KSR2: variants seen among roughly 807,000 people sequenced by gnomAD.
KSR2 encodes kinase suppressor of ras 2.
A neutral mutation model predicts 107.8 loss-of-function variants in KSR2; 25 were observed. The ratio of observed to expected loss-of-function variants is 0.23; its 90% confidence interval spans 0.17 to 0.32. The LOEUF (loss-of-function observed/expected upper bound fraction) is 0.32. KSR2 is among the 10% of genes least tolerant of loss of function. KSR2 has a pLI of 1.00. For synonymous variants in KSR2, 480 were observed against 507.0 expected (o/e 0.95, Z 0.71); for missense variants, 887 against 1,268.9 (o/e 0.70, Z 4.57).
chr12:117,942,919 G>A (rs7978241), intron 1 of KSR2, among the ~76,000 whole-genome samples: 50 of 152,062 alleles, frequency 3.3e-4, no homozygotes, highest in African/African-American at 1.1e-3. Context: ...AAAGGGTGTC[G>A]TTCAACTCAA....
At chr12:117,947,906 T>C (rs371075010) in intron 1 of KSR2, among the ~76,000 whole-genome samples, 1 of 152,148 alleles carries the variant, frequency 6.6e-6, no homozygotes, top group African/African-American at 2.4e-5. Flanking sequence ...ACCACGTTCA[T>C]AGTTTGGAAG....
intron 1 of KSR2, among the ~76,000 whole-genome samples, chr12:117,941,792 A>ATT (rs542293863): frequency 0.055 from 5,388 of 97,532 alleles, 295 homozygotes; most frequent in African/African-American, 0.11. Context: ...GGCCTGGCTA[A>ATT]TTTTTTTTTT....
intron 5 of KSR2, among the ~76,000 whole-genome samples, chr12:117,599,533 G>A (rs1880822092): frequency 6.6e-6 from 1 of 152,156 alleles, no homozygotes; most frequent in Admixed American, 6.5e-5. Context: ...CCTCAGCACT[G>A]TTGACATTTG....
chr12:117,613,730 G>A (rs2136322575), intron 5 of KSR2, among the ~76,000 whole-genome samples: 1 of 152,310 alleles, frequency 6.6e-6, no homozygotes, highest in South Asian at 2.1e-4. Flanking sequence ...TCTCTGCACA[G>A]CCTATCCTAA....
intron 14 of KSR2, among the ~76,000 whole-genome samples, chr12:117,518,618 G>A (rs980707337): frequency 4.6e-5 from 7 of 152,220 alleles, no homozygotes; most frequent in African/African-American, 7.2e-5. Flanking sequence ...CCAGAGTAGC[G>A]TGGGCAGCTG....
At chr12:117,866,015 C>G (rs1483549401) in intron 1 of KSR2, among the ~76,000 whole-genome samples, 1 of 151,290 alleles carries the variant, frequency 6.6e-6, no homozygotes, top group Non-Finnish European at 1.5e-5. Context: ...TCTCTAACCT[C>G]TGTAACACTT....
chr12:117,626,131 T>C (rs1882498258), intron 5 of KSR2, among the ~76,000 whole-genome samples: 1 of 152,232 alleles, frequency 6.6e-6, no homozygotes, highest in Admixed American at 6.5e-5. Flanking sequence ...TCTATCTATT[T>C]TGTTGATCTT....
intron 7 of KSR2, among the ~76,000 whole-genome samples, chr12:117,559,829 G>A (rs1592993433): frequency 6.6e-6 from 1 of 152,094 alleles, no homozygotes; most frequent in Non-Finnish European, 1.5e-5. Flanking sequence ...ATAGATACAC[G>A]CTGTGGAAGA....
intron 1 of KSR2, among the ~76,000 whole-genome samples, chr12:117,964,510 A>T (rs937694106): frequency 2.0e-5 from 3 of 152,166 alleles, no homozygotes; most frequent in African/African-American, 7.2e-5. Flanking sequence ...GGTTCTACAG[A>T]ACATACTTTG....
chr12:117,469,329 T>C (rs1871304157), intron 19 of KSR2, among the ~76,000 whole-genome samples: 2 of 152,132 alleles, frequency 1.3e-5, no homozygotes, highest in East Asian at 3.9e-4. Context: ...GTACTCTGAA[T>C]ACCTGACATA....
At chr12:117,643,408 C>T (rs897811050) in intron 5 of KSR2, among the ~76,000 whole-genome samples, 1 of 152,190 alleles carries the variant, frequency 6.6e-6, no homozygotes, top group Non-Finnish European at 1.5e-5. Context: ...GATTGTGCCA[C>T]TGCACTCTAG....
chr12:117,944,206 G>A (rs553195580), intron 1 of KSR2, among the ~76,000 whole-genome samples: 12 of 151,822 alleles, frequency 7.9e-5, no homozygotes, highest in Admixed American at 5.2e-4. Flanking sequence ...GAGAAAGCCC[G>A]TCTCTACTAA....
intron 3 of KSR2, among the ~76,000 whole-genome samples, chr12:117,831,260 A>G (rs1486505638): frequency 6.6e-6 from 1 of 152,190 alleles, no homozygotes; most frequent in East Asian, 1.9e-4. Flanking sequence ...AACTGATGCT[A>G]TCTCTCCAAC....
intron 5 of KSR2, among the ~76,000 whole-genome samples, chr12:117,651,009 G>A (rs912057472): frequency 4.6e-5 from 7 of 152,198 alleles, no homozygotes; most frequent in Non-Finnish European, 8.8e-5. Context: ...TAAAGTGAGG[G>A]CATTGATTAG....
At chr12:117,835,863 ACCT>A (rs1892189816) in intron 3 of KSR2, among the ~76,000 whole-genome samples, 1 of 151,720 alleles carries the variant, frequency 6.6e-6, no homozygotes, top group African/African-American at 2.4e-5. Flanking sequence ...CACCAAGAAA[ACCT>A]CCTACTTGGG....
At chr12:117,846,144 T>G (rs1892697982) in intron 3 of KSR2, among the ~76,000 whole-genome samples, 1 of 152,052 alleles carries the variant, frequency 6.6e-6, no homozygotes, top group Non-Finnish European at 1.5e-5. Flanking sequence ...GCCAATTCCT[T>G]GCAATAAATC....
At chr12:117,798,407 C>T (rs755849408) in intron 3 of KSR2, among the ~76,000 whole-genome samples, 9 of 152,192 alleles carry the variant, frequency 5.9e-5, no homozygotes, top group South Asian at 4.2e-4. Flanking sequence ...CCAAGGCAGG[C>T]GGATCACTTG....
intron 4 of KSR2, among the ~76,000 whole-genome samples, chr12:117,758,775 T>G (rs1386802431): frequency 6.6e-6 from 1 of 152,164 alleles, no homozygotes; most frequent in East Asian, 1.9e-4. Context: ...ATCTTGCAGA[T>G]TAGAAGATGA....
intron 14 of KSR2, among the ~76,000 whole-genome samples, chr12:117,518,894 G>A (rs1244267250): frequency 6.6e-6 from 1 of 152,164 alleles, no homozygotes; most frequent in Non-Finnish European, 1.5e-5. Context: ...CCCCCTCTGA[G>A]CCCCTCTTCA....
Sources: gnomAD v4.1 joint callset for allele counts (sites outside exome capture counted in the v4.1 genomes callset) on GRCh38, gnomAD v4.1.1 for gene constraint, MANE v1.5 for transcripts, NCBI Gene and HGNC (gene_info 2026-07-23, HGNC 2026-07-21) for gene names.